CLCN3: variants seen among roughly 807,000 people sequenced by gnomAD.
CLCN3 encodes the protein H(+)/Cl(-) exchange transporter 3.
In CLCN3, 16 loss-of-function variants were observed where a neutral mutation model predicts 83.4. That is an observed-to-expected ratio of 0.19 (90% confidence interval 0.13 to 0.29). The LOEUF (loss-of-function observed/expected upper bound fraction) is 0.29. Ranked by LOEUF, CLCN3 falls within the 10% of genes least tolerant of loss-of-function variation. The pLI, the probability that CLCN3 is intolerant of heterozygous loss-of-function variation, is 1.00. For missense variants in CLCN3, 544 were observed against 1,006.0 expected, an observed-to-expected ratio of 0.54 and a Z score of 6.21; for synonymous variants, 322 against 346.2, an observed-to-expected ratio of 0.93 and a Z score of 0.78.
chr4:169,662,481 T>TG (rs1258335405), intron 2 of CLCN3, among the ~76,000 whole-genome samples: 2 of 152,170 alleles, frequency 1.3e-5, no homozygotes, highest in African/African-American at 4.8e-5. Flanking sequence ...ATGGAATTGA[T>TG]GGAGACAGGC....
intron 2 of CLCN3, among the ~76,000 whole-genome samples, chr4:169,676,476 C>T (rs1731680607): frequency 6.6e-6 from 1 of 151,734 alleles, no homozygotes; most frequent in African/African-American, 2.4e-5. Flanking sequence ...ATTTCTTACC[C>T]AGCCTGTTTT....
At chr4:169,711,196 T>A (rs1057055028) in intron 11 of CLCN3, among the ~76,000 whole-genome samples, 4 of 152,256 alleles carry the variant, frequency 2.6e-5, no homozygotes, top group Non-Finnish European at 5.9e-5. Flanking sequence ...TACATCTTTT[T>A]ATTTTGTGAA....
At position 169,703,979 on chromosome 4, in the gene CLCN3, AG is replaced by A; in HGVS notation, c.1564-18del. On this transcript the variant is annotated intron_variant, in intron 9 of 12. Coordinates refer to ENST00000513761, the MANE Select transcript of CLCN3 (RefSeq NM_001829.4). ...AGTAGAGGATCTCTGCTCCATAAAG[AG>A]TTCTGTTGTTGTTATAGGTTCCATC... is the stretch of plus-strand genomic sequence containing the variant. 1 of 1,611,718 alleles carries A rather than the reference AG, an allele frequency of 6.2e-7. No individual in the cohort carries two copies.
intron 2 of CLCN3, among the ~76,000 whole-genome samples, chr4:169,659,218 G>T (rs1730972132): frequency 6.6e-6 from 1 of 152,130 alleles, no homozygotes; most frequent in Non-Finnish European, 1.5e-5. Flanking sequence ...CAGTCTAGAG[G>T]AATCCTCTCA....
chr4:169,635,944 C>T lies in CLCN3; in HGVS notation c.16C>T (p.Leu6=). The T allele has an allele frequency of 6.3e-7, 1 of 1,596,994 alleles. No individual in the cohort carries two copies. The highest frequency in any genetic ancestry group is 8.5e-7 in the Non-Finnish European group (1 of 1,171,556). MESEQ[L]FHRGYYRNSY... is the part of the protein sequence containing the mutation. ...AGACAGCTAAATGGAGTCTGAGCAG[C>T]TGTTCCATAGAGGCTACTATAGAAA... Residue 6 remains leucine (L), a synonymous_variant, in exon 2 of 13, where the codon CTG becomes TTG. Transcript: ENST00000513761.
At chr4:169,650,726 C>A (rs1454623206) in intron 2 of CLCN3, among the ~76,000 whole-genome samples, 4 of 152,298 alleles carry the variant, frequency 2.6e-5, no homozygotes, top group African/African-American at 7.2e-5. Context: ...GATATTTATT[C>A]TAAGCAGGGT....
intron 2 of CLCN3, among the ~76,000 whole-genome samples, chr4:169,663,311 TTTTTTG>T (rs1478773664): frequency 5.1e-3 from 149 of 29,424 alleles, no homozygotes; most frequent in Middle Eastern, 0.034. Context: ...CTAAGTGGGT[TTTTTTG>T]TTGTTGTTGT....
chr4:169,687,337 T>A (rs1732201068), intron 3 of CLCN3, among the ~76,000 whole-genome samples: 1 of 152,124 alleles, frequency 6.6e-6, no homozygotes, highest in African/African-American at 2.4e-5. Flanking sequence ...TCCCAGCACT[T>A]TGGGAGCCCA....
At chr4:169,688,089 G>A (rs773551027) in intron 4 of CLCN3, among the ~76,000 whole-genome samples, 5 of 152,160 alleles carry the variant, frequency 3.3e-5, no homozygotes, top group Admixed American at 1.3e-4. Flanking sequence ...TGCTTCCTAT[G>A]TGTTGTACAC....
chr4:169,666,227 G>GT (rs1460608690), intron 2 of CLCN3, among the ~76,000 whole-genome samples: 2 of 152,068 alleles, frequency 1.3e-5, no homozygotes, highest in South Asian at 4.1e-4. Context: ...AGTAAGCATT[G>GT]TTTACTAAAC....
intron 2 of CLCN3, among the ~76,000 whole-genome samples, chr4:169,659,402 C>T (rs1730977192): frequency 6.6e-6 from 1 of 152,112 alleles, no homozygotes; most frequent in Non-Finnish European, 1.5e-5. Flanking sequence ...AGTTGAGTAC[C>T]TCACTTTGAG....
chr4:169,687,005 G>C (rs868365550), intron 3 of CLCN3, among the ~76,000 whole-genome samples: 2 of 152,056 alleles, frequency 1.3e-5, no homozygotes, highest in Non-Finnish European at 2.9e-5. Flanking sequence ...TATAAGTTTT[G>C]GGGGGTCCCT....
At chr4:169,667,841 G>T (rs964831120) in intron 2 of CLCN3, among the ~76,000 whole-genome samples, 4 of 151,406 alleles carry the variant, frequency 2.6e-5, no homozygotes, top group Admixed American at 2.0e-4. Flanking sequence ...CACCTCCAGG[G>T]TTCAAGTGAT....
intron 1 of CLCN3, among the ~76,000 whole-genome samples, chr4:169,629,458 C>T (rs1476602091): frequency 6.6e-6 from 1 of 152,050 alleles, no homozygotes; most frequent in African/African-American, 2.4e-5. Flanking sequence ...GCAACCTCTG[C>T]CTCCTGGGCT....
rs1178684905 is a variant in CLCN3, at chr4:169,722,134, G to A, written c.*2137G>A. Reference sequence around the variant, plus strand: ...CGCCTGGCCCAGACAGACATTTTCTGAAACACAACTGGCAATGAGCTGTTT... The same window carrying A: ...CGCCTGGCCCAGACAGACATTTTCTAAAACACAACTGGCAATGAGCTGTTT... On this transcript the variant is annotated 3_prime_UTR_variant, in exon 13 of 13. Transcript: ENST00000513761. 1 of 152,172 alleles carries A rather than the reference G, an allele frequency of 6.6e-6. No individual in the cohort carries two copies. The highest frequency in any genetic ancestry group is 2.4e-5 in the African/African-American group (1 of 41,442). The allele number at this position is 152,172 out of a possible 1,614,324, so 9.4% of individuals were successfully genotyped here.
rs1156796844 is a variant in CLCN3, at chr4:169,628,821, A to G, written c.-16-7092A>G. 2.6e-5 allele frequency among the ~76,000 whole-genome samples: 4 copies of G among 152,228 alleles called. No individual in the cohort carries two copies. The East Asian group carries it at 7.7e-4, about 29-fold the overall frequency. On this transcript the variant is annotated intron_variant, in intron 1 of 12. Coordinates refer to ENST00000513761, the MANE Select transcript of CLCN3 (RefSeq NM_001829.4). The stretch of plus-strand genomic sequence containing the variant: ...CATTTAGCCCAAAGAAATAAAGGCT[A>G]TTCATTTTCAAAAACCTGTACATGC...
chr4:169,695,544 TGAA>T lies in CLCN3; in HGVS notation c.937-64_937-62del, dbSNP rs1402753782. 4 of 1,158,876 alleles carry T rather than the reference TGAA, an allele frequency of 3.5e-6. No homozygotes were observed. The African/African-American group carries it at 6.2e-5, about 18-fold the overall frequency. The allele number at this position is 1,158,876 out of a possible 1,614,324, so 71.8% of individuals were successfully genotyped here. On this transcript the variant is annotated intron_variant, in intron 7 of 12. Coordinates refer to ENST00000513761, the MANE Select transcript of CLCN3 (RefSeq NM_001829.4). ...ATCCATTTGGAAAATTCAAGTAACA[TGAA>T]GAATTTTTATTTGGTATGTTTGAAT...
At chr4:169,625,826 A>G (rs1252224327) in intron 1 of CLCN3, among the ~76,000 whole-genome samples, 1 of 152,212 alleles carries the variant, frequency 6.6e-6, no homozygotes, top group Non-Finnish European at 1.5e-5. Flanking sequence ...AATCACAGCC[A>G]AAGTATTTTT....
chr4:169,676,003 G>C (rs1040164174), intron 2 of CLCN3, among the ~76,000 whole-genome samples: 1 of 152,166 alleles, frequency 6.6e-6, no homozygotes, highest in African/African-American at 2.4e-5. Context: ...AGTAGAAAAT[G>C]AAAGTTCATT....
Sources: gnomAD v4.1 joint callset for allele counts (sites outside exome capture counted in the v4.1 genomes callset) on GRCh38, gnomAD v4.1.1 for gene constraint, MANE v1.5 for transcripts, NCBI Gene and HGNC (gene_info 2026-07-23, HGNC 2026-07-21) for gene names.